COL28A1: variants seen among roughly 807,000 people sequenced by gnomAD.
The protein encoded by COL28A1 is collagen type XXVIII alpha 1 chain, also known as collagen alpha-1(XXVIII) chain.
COL28A1 carries 161 observed loss-of-function variants against 150.2 expected under a neutral mutation model. The ratio of observed to expected loss-of-function variants is 1.07; its 90% CI spans 0.94 to 1.22. The LOEUF is 1.22. Among genes scored for constraint, COL28A1 ranks in the 50% most tolerant of loss-of-function variants. The probability of loss-of-function intolerance (pLI) is 0.00; values close to 1 mark genes in which losing one functional copy is unlikely to be tolerated. For missense variants in COL28A1, 1,617 were observed against 1,388.3 expected, an observed-to-expected ratio of 1.16 and a Z score of -2.62; for synonymous variants, 552 against 469.7, an observed-to-expected ratio of 1.18 and a Z score of -2.26.
intron 32 of COL28A1, among the ~76,000 whole-genome samples, chr7:7,371,130 G>A (rs1259037231): frequency 6.6e-6 from 1 of 152,188 alleles, no homozygotes; most frequent in Non-Finnish European, 1.5e-5. Flanking sequence ...TCTGTTCAAC[G>A]TGAATCACTC....
At chr7:7,507,404 T>G (rs545637332) in intron 9 of COL28A1, among the ~76,000 whole-genome samples, 1 of 152,234 alleles carries the variant, frequency 6.6e-6, no homozygotes, top group Non-Finnish European at 1.5e-5. Context: ...GCCTACATAT[T>G]GACATTTTGG....
At position 7,531,424 on chromosome 7, in the gene COL28A1, A is replaced by C. The variant is rs1263941584; in HGVS notation, c.605T>G (p.Ile202Ser). 2 of 1,601,432 alleles carry C rather than the reference A, an allele frequency of 1.2e-6. No individual in the cohort carries two copies. The highest frequency in any genetic ancestry group is 1.7e-6 in the Non-Finnish European group (2 of 1,169,694). ...GGGTTCACTGGATGAATCCCCAGAA[A>C]TCAAACGAAGTTTGGCTTCATTGAC... ...TVVNEAKLRLISGDSSSEPTL... is the reference protein window; with the variant it reads ...TVVNEAKLRLSSGDSSSEPTL... Residue 202 changes from isoleucine to serine, a missense_variant, in exon 3 of 35, where the codon ATT (isoleucine) becomes AGT (serine). Ile to Ser is a moderately radical substitution (Grantham distance 142, BLOSUM62 -2). Coordinates refer to ENST00000399429, the MANE Select transcript of COL28A1 (RefSeq NM_001037763.3).
At chr7:7,448,777 G>A (rs905861942) in intron 18 of COL28A1, among the ~76,000 whole-genome samples, 3 of 151,856 alleles carry the variant, frequency 2.0e-5, no homozygotes, top group Non-Finnish European at 1.5e-5. Flanking sequence ...GCAATACAAA[G>A]GAATGAACTG....
intron 9 of COL28A1, among the ~76,000 whole-genome samples, chr7:7,508,605 T>C (rs965098658): frequency 6.6e-6 from 1 of 152,254 alleles, no homozygotes; most frequent in African/African-American, 2.4e-5. Flanking sequence ...CAACAATTAG[T>C]ATTATACATT....
intron 18 of COL28A1, among the ~76,000 whole-genome samples, chr7:7,447,563 A>C (rs1786357859): frequency 1.3e-5 from 2 of 152,120 alleles, no homozygotes; most frequent in Non-Finnish European, 2.9e-5. Flanking sequence ...GGAGGTAAGA[A>C]CATTAAAACA....
intron 3 of COL28A1, among the ~76,000 whole-genome samples, chr7:7,529,927 C>T (rs1782253516): frequency 1.3e-5 from 2 of 152,156 alleles, no homozygotes; most frequent in Admixed American, 1.3e-4. Flanking sequence ...GAGTACTTAC[C>T]TTGAGCACCA....
intron 21 of COL28A1, among the ~76,000 whole-genome samples, chr7:7,438,321 G>A (rs933133068): frequency 1.4e-5 from 2 of 147,624 alleles, no homozygotes; most frequent in Non-Finnish European, 2.9e-5. Context: ...TTTAGTGGGG[G>A]AGATGTCTAA....
intron 8 of COL28A1, chr7:7,511,800 T>G (rs967846068): frequency 4.2e-6 from 2 of 470,938 alleles, no homozygotes; most frequent in African/African-American, 2.0e-5. Context: ...ATGCTACATA[T>G]TTTTCATTAT....
intron 11 of COL28A1, 121 bp from the exon 12 acceptor site, chr7:7,490,767 C>A (rs928276431): frequency 4.0e-6 from 2 of 495,458 alleles, no homozygotes; most frequent in South Asian, 3.5e-5. Flanking sequence ...ACCTGTACAT[C>A]GTGCCTGCCC....
At position 7,474,070 on chromosome 7, in the gene COL28A1, A is replaced by AATATATATATATATATGGAAT. The variant is rs1554281241; in HGVS notation, c.1302+530_1302+531insATTCCATATATATATATATAT. Among the ~76,000 whole-genome samples, 347 of 143,048 alleles carry AATATATATATATATATGGAAT rather than the reference A, an allele frequency of 2.4e-3. 2 individuals are homozygous for AATATATATATATATATGGAAT. Among genetic ancestry groups the AATATATATATATATATGGAAT allele is most frequent in the African/African-American group, 8.4e-3 (324 of 38,740 alleles). 93.8% of individuals were successfully genotyped at this position (143,048 alleles called of 152,430 possible). A position where few individuals can be genotyped will look rare whatever the true frequency, so the allele number is the denominator to read the frequency against. On this transcript the variant is annotated intron_variant, in intron 15 of 34. Coordinates refer to ENST00000399429, the MANE Select transcript of COL28A1 (RefSeq NM_001037763.3). ...TACTATATACTCTATATATATATGG[A>AATATATATATATATATGGAAT]ATATATATATATATATATGTGATGG...
intron 33 of COL28A1, among the ~76,000 whole-genome samples, chr7:7,361,965 G>A (rs897601021): frequency 6.6e-6 from 1 of 152,158 alleles, no homozygotes; most frequent in Non-Finnish European, 1.5e-5. Flanking sequence ...TCATTCGTAA[G>A]TGGGAGTTGA....
At chr7:7,450,492 T>C (rs1297431227) in intron 18 of COL28A1, among the ~76,000 whole-genome samples, 1 of 152,208 alleles carries the variant, frequency 6.6e-6, no homozygotes, top group Non-Finnish European at 1.5e-5. Flanking sequence ...TTGCAGTTTG[T>C]ATAACACAGT....
chr7:7,373,205 C>T lies in COL28A1; in HGVS notation c.2701G>A (p.Val901Ile). The T allele has an allele frequency of 1.2e-6, 2 of 1,614,180 alleles. No individual in the cohort carries two copies. The highest frequency in any genetic ancestry group is 2.2e-5 in the South Asian group (2 of 91,086). ...GAATCTGTCTGTCCATCAGTGATGACCAAGGCCACTTTTTTTACACCTGGC... is the reference window on the plus strand; with the variant it reads ...GAATCTGTCTGTCCATCAGTGATGATCAAGGCCACTTTTTTTACACCTGGC... The part of the protein sequence containing the change: ...ARPGVKKVAL[V>I]ITDGQTDSRD... The change falls in exon 32 of 35, where the codon GTC becomes ATC. Residue 901 changes from valine (V) to isoleucine (I), a missense_variant. Val to Ile is a conservative substitution (Grantham distance 29, BLOSUM62 3). Coordinates refer to ENST00000399429, the MANE Select transcript of COL28A1 (RefSeq NM_001037763.3). The surrounding 1 kb of genome is among the most constrained non-coding windows in gnomAD (Gnocchi z 4.1).
chr7:7,432,757 A>C (rs1785067083), intron 23 of COL28A1, 57 bp from the exon 24 acceptor site: 1 of 1,362,426 alleles, frequency 7.3e-7, no homozygotes, highest in Non-Finnish European at 1.1e-6. Flanking sequence ...ACACCTGGTC[A>C]AACTTAAGCA....
intron 15 of COL28A1, among the ~76,000 whole-genome samples, chr7:7,474,220 C>T (rs1339121378): frequency 6.6e-6 from 1 of 151,756 alleles, no homozygotes; most frequent in South Asian, 2.1e-4. Flanking sequence ...TGTTCTCACT[C>T]ATATGTGGGA....
At position 7,373,042 on chromosome 7, in the gene COL28A1, T is replaced by A. The variant is rs1781319116; in HGVS notation, c.2864A>T (p.Asp955Val). 1 of 1,614,122 alleles carries A rather than the reference T, an allele frequency of 6.2e-7. No individual in the cohort carries two copies. The highest frequency in any genetic ancestry group is 1.7e-5 in the Admixed American group (1 of 60,024). Residue 955 changes from aspartate to valine, a missense_variant, in exon 32 of 35, where the codon GAC (aspartate) becomes GTC (valine). Physicochemically the swap from Asp to Val is radical, Grantham distance 152 (BLOSUM62 -3). Coordinates refer to ENST00000399429, the MANE Select transcript of COL28A1 (RefSeq NM_001037763.3). The surrounding 1 kb of genome is among the most constrained non-coding windows in gnomAD (Gnocchi z 4.1). ...FHKEMNLIAT[D>V]PEHVYQFDDF... ...ATCAAACTGGTAAACATGCTCTGGG[T>A]CAGTAGCAATTAGATTCATTTCTTT...
chr7:7,469,678 C>G (rs1321092395), intron 15 of COL28A1, among the ~76,000 whole-genome samples: 2 of 88,454 alleles, frequency 2.3e-5, no homozygotes, highest in South Asian at 1.1e-3. Flanking sequence ...AAGAACAAAG[C>G]TGGAGGCATC....
At chr7:7,436,609 A>G (rs1252673496) in intron 22 of COL28A1, 146 bp from the exon 23 acceptor site, 1 of 622,590 alleles carries the variant, frequency 1.6e-6, no homozygotes, top group African/African-American at 1.9e-5. Context: ...AACATATTTG[A>G]GGGGACTTTC....
chr7:7,538,284 G>C (rs996204329), upstream of COL28A1, among the ~76,000 whole-genome samples: 4 of 152,268 alleles, frequency 2.6e-5, no homozygotes, highest in East Asian at 1.9e-4. Context: ...ACAAATAAGA[G>C]AGCATGGATA....
Sources: gnomAD v4.1 joint callset for allele counts (sites outside exome capture counted in the v4.1 genomes callset) on GRCh38, gnomAD v4.1.1 for gene constraint, Gnocchi (gnomAD v3.1) non-coding constraint, MANE v1.5 for transcripts, NCBI Gene and HGNC (gene_info 2026-07-23, HGNC 2026-07-21) for gene names.